The following SAMD4A variants were observed in gnomAD, a reference collection of about 807,000 sequenced individuals.
SAMD4A encodes sterile alpha motif domain containing 4A, also known as protein Smaug homolog 1.
In SAMD4A, 33 loss-of-function variants were observed where a neutral mutation model predicts 81.3. That is an observed-to-expected ratio of 0.41 (90% CI 0.31 to 0.54). SAMD4A has a LOEUF of 0.54. SAMD4A is among the 20% of genes least tolerant of loss of function. The probability of loss-of-function intolerance (pLI) is 0.37; values close to 1 mark genes in which losing one functional copy is unlikely to be tolerated. For missense variants in SAMD4A, 854 were observed against 951.1 expected (o/e 0.90, Z 1.34); for synonymous variants, 389 against 382.1 (o/e 1.02, Z -0.21).
intron 2 of SAMD4A, chr14:54,694,854 G>A (rs777289708): frequency 9.4e-5 from 93 of 985,308 alleles, no homozygotes; most frequent in Admixed American, 3.1e-4. Flanking sequence ...CAGCTGTGCC[G>A]GTACCTGGGG....
chr14:54,597,563 G>A (rs571776664), intron 2 of SAMD4A, among the ~76,000 whole-genome samples: 2 of 147,052 alleles, frequency 1.4e-5, no homozygotes, highest in Admixed American at 6.8e-5. Flanking sequence ...GTGAGCCACC[G>A]CACCCGGCCT....
chr14:54,751,560 A>G (rs773250348), intron 6 of SAMD4A, 23 bp downstream of exon 6: 7 of 1,448,668 alleles, frequency 4.8e-6, no homozygotes, highest in Non-Finnish European at 6.8e-6. Context: ...ATGAGGGAAC[A>G]TTTCCACTTT....
At chr14:54,621,309 A>C (rs556857905) in intron 2 of SAMD4A, among the ~76,000 whole-genome samples, 1 of 152,288 alleles carries the variant, frequency 6.6e-6, no homozygotes, top group East Asian at 1.9e-4. Flanking sequence ...AAATGCCTGA[A>C]GACCACTCTC....
At chr14:54,688,714 T>TC (rs1267795415) in intron 2 of SAMD4A, among the ~76,000 whole-genome samples, 2 of 152,188 alleles carry the variant, frequency 1.3e-5, no homozygotes, top group Non-Finnish European at 2.9e-5. Flanking sequence ...TCCTTGCCAC[T>TC]CTTTCAACTG....
At chr14:54,644,231 G>T (rs891864985) in intron 2 of SAMD4A, among the ~76,000 whole-genome samples, 19 of 152,186 alleles carry the variant, frequency 1.2e-4, no homozygotes, top group African/African-American at 4.1e-4. Flanking sequence ...GGTGTATCTT[G>T]TCTAAGGTTA....
chr14:54,727,168 T>C (rs2037440609), intron 3 of SAMD4A, among the ~76,000 whole-genome samples: 1 of 23,482 alleles, frequency 4.3e-5, no homozygotes, highest in Admixed American at 4.9e-4. Context: ...TTTTTTTCCT[T>C]TTTTTTTTTT....
chr14:54,597,279 TTTC>T (rs2033935498), intron 2 of SAMD4A, among the ~76,000 whole-genome samples: 1 of 152,018 alleles, frequency 6.6e-6, no homozygotes, highest in Admixed American at 6.5e-5. Context: ...TCTTTTCTTT[TTTC>T]TTTTTTTTTG....
rs80252838 is a variant in SAMD4A, at chr14:54,740,794, T to C, written c.979+3507T>C. 4.1e-4 allele frequency among the ~76,000 whole-genome samples: 63 copies of C among 152,334 alleles called. No individual in the cohort carries two copies. The East Asian group carries it at 0.012, about 28-fold the overall frequency. ...CTCTCCCAAGCAGACCAGCTCCTACTCTCAAAGGATTAATGACATCTGCCC... is the reference window on the plus strand; with the variant it reads ...CTCTCCCAAGCAGACCAGCTCCTACCCTCAAAGGATTAATGACATCTGCCC... On this transcript the variant is annotated intron_variant, in intron 4 of 12. Transcript: ENST00000554335.
chr14:54,658,981 T>C (rs911620), intron 2 of SAMD4A, among the ~76,000 whole-genome samples: 144,153 of 152,288 alleles, frequency 0.95, 68,241 homozygotes, highest in East Asian at 1. Context: ...CTCTCTGAGA[T>C]TCAGTTTGCA....
rs1268475405 is a variant in SAMD4A at position 54,790,792 on chromosome 14, TA to T, written c.*1852del. 3 of 151,570 alleles carry T rather than the reference TA, an allele frequency of 2.0e-5. No individual in the cohort carries two copies. Among genetic ancestry groups the T allele is most frequent in the African/African-American group, 7.3e-5 (3 of 41,232 alleles). 9.4% of individuals were successfully genotyped at this position (151,570 alleles called of 1,614,324 possible). ...AAAGCTAATGAACTACATACAGACC[TA>T]AAAGGCCTTAATGAAATCCGAACAA... On this transcript the variant is annotated 3_prime_UTR_variant, in exon 13 of 13. Coordinates refer to ENST00000554335, the MANE Select transcript of SAMD4A (RefSeq NM_015589.6).
At chr14:54,740,744 C>G (rs1385361980) in intron 4 of SAMD4A, among the ~76,000 whole-genome samples, 1 of 152,172 alleles carries the variant, frequency 6.6e-6, no homozygotes, top group African/African-American at 2.4e-5. Context: ...TGTTAGCGTT[C>G]CCTGCCAGGG....
intron 6 of SAMD4A, among the ~76,000 whole-genome samples, chr14:54,756,626 C>A (rs1034239943): frequency 6.6e-6 from 1 of 152,146 alleles, no homozygotes; most frequent in Non-Finnish European, 1.5e-5. Context: ...AGAATGGATG[C>A]GCTAGATACA....
chr14:54,639,661 T>G (rs2035122869), intron 2 of SAMD4A, among the ~76,000 whole-genome samples: 1 of 152,180 alleles, frequency 6.6e-6, no homozygotes, highest in African/African-American at 2.4e-5. Context: ...CCCTGGGGTT[T>G]TAAGGTGTTT....
At chr14:54,671,630 A>C (rs1382445225) in intron 2 of SAMD4A, among the ~76,000 whole-genome samples, 1 of 152,156 alleles carries the variant, frequency 6.6e-6, no homozygotes, top group East Asian at 1.9e-4. Flanking sequence ...TCAGGCCTAG[A>C]ATCTTGGACT....
chr14:54,780,436 G>A (rs1156827094), intron 11 of SAMD4A, among the ~76,000 whole-genome samples: 1 of 152,196 alleles, frequency 6.6e-6, no homozygotes, highest in African/African-American at 2.4e-5. Context: ...ACTGCCTTTA[G>A]AAAGAATAGA....
chr14:54,719,643 G>A (rs2037211236), intron 3 of SAMD4A, among the ~76,000 whole-genome samples: 1 of 152,196 alleles, frequency 6.6e-6, no homozygotes, highest in African/African-American at 2.4e-5. Flanking sequence ...GCAATATCAA[G>A]CTGTGGTTCA....
intron 2 of SAMD4A, among the ~76,000 whole-genome samples, chr14:54,699,769 A>G (rs1300385331): frequency 2.6e-5 from 4 of 152,202 alleles, no homozygotes; most frequent in African/African-American, 4.8e-5. Flanking sequence ...GTGCTCCTCA[A>G]GATCGTCTCA....
intron 2 of SAMD4A, among the ~76,000 whole-genome samples, chr14:54,571,827 A>G (rs2033137493): frequency 6.6e-6 from 1 of 152,196 alleles, no homozygotes; most frequent in Non-Finnish European, 1.5e-5. Context: ...TTAGAATGGG[A>G]TGAGGGGCTG....
intron 2 of SAMD4A, among the ~76,000 whole-genome samples, chr14:54,604,439 G>C (rs780714453): frequency 3.3e-5 from 5 of 152,226 alleles, no homozygotes; most frequent in Non-Finnish European, 7.3e-5. Flanking sequence ...GGTGATATTA[G>C]GTAAGGGGAG....
Sources: allele counts gnomAD v4.1 joint callset (sites outside exome capture counted in the v4.1 genomes callset), GRCh38; gene constraint gnomAD v4.1.1; transcripts MANE v1.5; gene names NCBI Gene and HGNC (gene_info 2026-07-23, HGNC 2026-07-21).